CCNYL1: variants seen among roughly 807,000 people sequenced by gnomAD.
CCNYL1 encodes the protein cyclin-Y-like protein 1.
A neutral mutation model predicts 44.2 loss-of-function variants in CCNYL1; 16 were observed. That is an observed-to-expected ratio of 0.36 (90% CI 0.25 to 0.55). The LOEUF (loss-of-function observed/expected upper bound fraction) is 0.55, where lower values mean the gene tolerates loss of function less well. Among genes scored for constraint, CCNYL1 ranks in the 20% least tolerant of loss-of-function variants. The pLI is 0.85. For synonymous variants in CCNYL1, 159 were observed against 163.2 expected, an observed-to-expected ratio of 0.97 and a Z score of 0.20; for missense variants, 348 against 451.8, an observed-to-expected ratio of 0.77 and a Z score of 2.08.
Position 207,742,229 on chromosome 2 carries a change from A to G in CCNYL1, c.526A>G (p.Lys176Glu). The G allele has an allele frequency of 1.9e-6, 3 of 1,600,218 alleles. No homozygotes were observed. Among genetic ancestry groups the G allele is most frequent in the Non-Finnish European group, 2.6e-6 (3 of 1,176,340 alleles). Residue 176 changes from lysine (K) to glutamate (E), a missense_variant, in exon 7 of 10, where the codon AAA (lysine) becomes GAA (glutamate). Transcript: ENST00000295414. ...DERSHPLTRE[K>E]VPEEYFKHDP... ...GCATCTTTTCTTCTTTCAGCGAGAAAAAGTTCCAGAGGAATACTTTAAGCA... is the reference window on the plus strand; with the variant it reads ...GCATCTTTTCTTCTTTCAGCGAGAAGAAGTTCCAGAGGAATACTTTAAGCA...
At chr2:207,743,802 C>CTTGTTTTTTGTT (rs1324683771) in intron 7 of CCNYL1, among the ~76,000 whole-genome samples, 1 of 143,022 alleles carries the variant, frequency 7.0e-6, no homozygotes, top group Non-Finnish European at 1.5e-5. Flanking sequence ...TGCCACTATT[C>CTTGTTTTTTGTT]TTGTTTTTTG....
chr2:207,726,774 G>T, intron 2 of CCNYL1, 68 bp from the exon 3 acceptor site: 1 of 1,013,124 alleles, frequency 9.9e-7, no homozygotes, highest in Non-Finnish European at 1.5e-6. Flanking sequence ...TTAATCAGAT[G>T]ATTAGCAACT....
At chr2:207,728,791 G>A (rs1265440173) in intron 3 of CCNYL1, among the ~76,000 whole-genome samples, 1 of 151,794 alleles carries the variant, frequency 6.6e-6, no homozygotes, top group African/African-American at 2.4e-5. Flanking sequence ...GCTTGCTATG[G>A]ACCTTTTCTT....
chr2:207,716,641 A>C (rs2091597635), intron 1 of CCNYL1, among the ~76,000 whole-genome samples: 1 of 152,050 alleles, frequency 6.6e-6, no homozygotes, highest in Non-Finnish European at 1.5e-5. Flanking sequence ...TCATTTATTT[A>C]CCTATCCTTT....
intron 3 of CCNYL1, among the ~76,000 whole-genome samples, chr2:207,728,249 A>G (rs1378413197): frequency 6.7e-6 from 1 of 149,250 alleles, no homozygotes; most frequent in Non-Finnish European, 1.5e-5. Flanking sequence ...GGCATGAGCC[A>G]CTGCACCTGG....
At chr2:207,737,493 CATG>C in intron 5 of CCNYL1, 47 bp downstream of exon 5, 1 of 1,484,010 alleles carries the variant, frequency 6.7e-7, no homozygotes, top group Non-Finnish European at 9.4e-7. Context: ...AATTACTTTG[CATG>C]ATATCAAGTT....
At chr2:207,730,482 G>T (rs779620726) in intron 3 of CCNYL1, among the ~76,000 whole-genome samples, 1 of 152,192 alleles carries the variant, frequency 6.6e-6, no homozygotes, top group African/African-American at 2.4e-5. Flanking sequence ...CTGTGGCCGG[G>T]TGCGGTGGCT....
chr2:207,738,517 G>A (rs1269373123), intron 5 of CCNYL1, among the ~76,000 whole-genome samples: 6 of 151,048 alleles, frequency 4.0e-5, no homozygotes, highest in Admixed American at 2.6e-4. Flanking sequence ...CACCATACCC[G>A]GCCAGTATTC....
intron 7 of CCNYL1, among the ~76,000 whole-genome samples, chr2:207,742,585 C>T (rs925646780): frequency 6.6e-6 from 1 of 152,094 alleles, no homozygotes; most frequent in Non-Finnish European, 1.5e-5. Context: ...CTGGTTTCTC[C>T]CCCTACCCAT....
At chr2:207,724,649 G>T (rs2091666339) in intron 1 of CCNYL1, 151 bp from the exon 2 acceptor site, 2 of 622,280 alleles carry the variant, frequency 3.2e-6, no homozygotes, top group Non-Finnish European at 5.6e-6. Context: ...TTCCCCAGGA[G>T]TATTTTTGTA....
At chr2:207,739,209 A>G (rs2091789328) in intron 5 of CCNYL1, among the ~76,000 whole-genome samples, 1 of 152,046 alleles carries the variant, frequency 6.6e-6, no homozygotes, top group South Asian at 2.1e-4. Flanking sequence ...TCTTGAAGTG[A>G]CAGGCTTCAT....
At chr2:207,720,430 G>A (rs2091632166) in intron 1 of CCNYL1, among the ~76,000 whole-genome samples, 1 of 150,776 alleles carries the variant, frequency 6.6e-6, no homozygotes, top group South Asian at 2.1e-4. Context: ...ATGAGACAGG[G>A]TCACAACTCT....
intron 5 of CCNYL1, among the ~76,000 whole-genome samples, chr2:207,738,656 T>C (rs2091783423): frequency 6.6e-6 from 1 of 152,338 alleles, no homozygotes; most frequent in South Asian, 2.1e-4. Context: ...CATTTCCCCT[T>C]ACTTGGTTTT....
intron 4 of CCNYL1, among the ~76,000 whole-genome samples, chr2:207,736,039 T>G (rs2091762380): frequency 6.6e-6 from 1 of 152,216 alleles, no homozygotes; most frequent in African/African-American, 2.4e-5. Flanking sequence ...TAATTGAATG[T>G]AGGAGGATGA....
chr2:207,751,440 C>G (rs1248836013), intron 9 of CCNYL1, among the ~76,000 whole-genome samples: 4 of 152,294 alleles, frequency 2.6e-5, no homozygotes, highest in Middle Eastern at 3.4e-3. Context: ...ATTTTTTTAG[C>G]TGGGCACTGT....
intron 5 of CCNYL1, 36 bp from the exon 6 acceptor site, chr2:207,740,619 G>A (rs1413169503): frequency 7.1e-7 from 1 of 1,399,358 alleles, no homozygotes; most frequent in African/African-American, 1.4e-5. Context: ...AACAATTCCT[G>A]AATTAACTTC....
At chr2:207,736,922 T>G (rs1352481765) in intron 4 of CCNYL1, among the ~76,000 whole-genome samples, 2 of 151,822 alleles carry the variant, frequency 1.3e-5, no homozygotes, top group Admixed American at 6.6e-5. Flanking sequence ...TACTGGGTTT[T>G]TTTTTTTTTT....
chr2:207,737,933 G>A (rs941746953), intron 5 of CCNYL1, among the ~76,000 whole-genome samples: 2 of 151,782 alleles, frequency 1.3e-5, no homozygotes, highest in Non-Finnish European at 2.9e-5. Context: ...AATGTGTCAT[G>A]TATTTATATA....
intron 9 of CCNYL1, among the ~76,000 whole-genome samples, chr2:207,752,635 T>C (rs1456374401): frequency 6.6e-6 from 1 of 152,106 alleles, no homozygotes; most frequent in African/African-American, 2.4e-5. Context: ...TCTTGGTGAG[T>C]ATACAGCAGA....
Sources: gnomAD v4.1 joint callset for allele counts (sites outside exome capture counted in the v4.1 genomes callset) on GRCh38, gnomAD v4.1.1 for gene constraint, MANE v1.5 for transcripts, NCBI Gene and HGNC (gene_info 2026-07-23, HGNC 2026-07-21) for gene names.